TMEM39B: variants seen among roughly 807,000 people sequenced by gnomAD.
TMEM39B encodes the protein transmembrane protein 39B.
A neutral mutation model predicts 52.2 loss-of-function variants in TMEM39B; 23 were observed. The ratio of observed to expected loss-of-function variants is 0.44; its 90% CI spans 0.32 to 0.62. The LOEUF is 0.62. Ranked by LOEUF, TMEM39B falls within the 20% of genes least tolerant of loss-of-function variation. The pLI, the probability that TMEM39B is intolerant of heterozygous loss-of-function variation, is 0.06. For missense variants in TMEM39B, 547 were observed against 642.0 expected (o/e 0.85, Z 1.60); for synonymous variants, 285 against 264.0 (o/e 1.08, Z -0.77).
rs3738003 is a variant in TMEM39B, at chr1:32,075,861, T to C, written c.351+39T>C. The C allele has an allele frequency of 1.3e-3, 1,616 of 1,247,458 alleles. 14 individuals are homozygous for C. The African/African-American group carries it at 0.021, about 16-fold the overall frequency. 77.3% of individuals were successfully genotyped at this position (1,247,458 alleles called of 1,614,324 possible). On this transcript the variant is annotated intron_variant, in intron 3 of 8. Transcript: ENST00000336294. ...AAGGGTGTGTGTGTGTGTGTGTGTG[T>C]GTGCGTGTGTGTGTATGTGTGTGTG...
In TMEM39B at chr1:32,102,755, G is replaced by A. The variant is rs961408040; in HGVS notation, c.*82G>A. ...GGGGCTGTTGGGTAGAAGTGGTGGT[G>A]GGGGGGACAAAAGACAAAAAAATCC... On this transcript the variant is annotated 3_prime_UTR_variant, in exon 9 of 9. Transcript: ENST00000336294. 3 of 1,366,840 alleles carry A rather than the reference G, an allele frequency of 2.2e-6. No individual in the cohort carries two copies. The highest frequency in any genetic ancestry group is 2.9e-6 in the Non-Finnish European group (3 of 1,050,098). 84.7% of individuals were successfully genotyped at this position (1,366,840 alleles called of 1,614,324 possible). A position where few individuals can be genotyped will look rare whatever the true frequency, so the allele number is the denominator to read the frequency against.
intron 5 of TMEM39B, among the ~76,000 whole-genome samples, chr1:32,077,797 A>AGCATGTGTGTGTGCCTGCATAT (rs1435582646): frequency 5.9e-5 from 9 of 152,094 alleles, no homozygotes; most frequent in Non-Finnish European, 1.3e-4. Context: ...CTATGCATGA[A>AGCATGTGTGTGTGCCTGCATAT]GCATGTGTGT....
rs760436781 is a variant in TMEM39B at position 32,102,391 on chromosome 1, G to C, written c.1237-40G>C. 4 of 1,586,388 alleles carry C rather than the reference G, an allele frequency of 2.5e-6. No homozygotes were observed. The African/African-American group carries it at 5.4e-5, about 21-fold the overall frequency. ...ACCCCCATCCAGGAGGAAGATTTCTGGAGCACACCTTTTAGCCATGCCCAC... is the reference window on the plus strand; with the variant it reads ...ACCCCCATCCAGGAGGAAGATTTCTCGAGCACACCTTTTAGCCATGCCCAC... On this transcript the variant is annotated intron_variant, in intron 8 of 8. Transcript: ENST00000336294.
intron 5 of TMEM39B, among the ~76,000 whole-genome samples, chr1:32,079,255 G>A (rs1569867967): frequency 6.6e-6 from 1 of 151,046 alleles, no homozygotes; most frequent in South Asian, 2.1e-4. Context: ...CACAATCTTG[G>A]CTCACTGCAA....
At position 32,094,881 on chromosome 1, in the gene TMEM39B, G is replaced by A. The variant is rs1640755234; in HGVS notation, c.1025G>A (p.Ser342Asn). The A allele has an allele frequency of 2.5e-6, 4 of 1,614,008 alleles. No individual in the cohort carries two copies. The highest frequency in any genetic ancestry group is 3.4e-6 in the Non-Finnish European group (4 of 1,180,054). Residue 342 changes from serine to asparagine, a missense_variant, in exon 7 of 9, where the codon AGC becomes AAC. Coordinates refer to ENST00000336294, the MANE Select transcript of TMEM39B (RefSeq NM_018056.4). ...CTCATGCAGCACCTGCTGCCTGCCA[G>A]CTACTGTGACCTGCTGCACAAGGCC... is the stretch of plus-strand genomic sequence containing the variant. ...VILMQHLLPA[S>N]YCDLLHKAAA...
chr1:32,093,332 C>G (rs1057008487), intron 6 of TMEM39B, among the ~76,000 whole-genome samples: 1 of 150,320 alleles, frequency 6.7e-6, no homozygotes, highest in African/African-American at 2.5e-5. Context: ...CTCCTGACCT[C>G]AGGTGATCCA....
At chr1:32,075,347 C>G (rs1639809059) in intron 2 of TMEM39B, among the ~76,000 whole-genome samples, 1 of 152,212 alleles carries the variant, frequency 6.6e-6, no homozygotes, top group East Asian at 1.9e-4. Flanking sequence ...TGCCTCCCTT[C>G]TCTGGGCCTC....
chr1:32,072,861 C>A, upstream of TMEM39B: 3 of 645,320 alleles, frequency 4.6e-6, no homozygotes, highest in Non-Finnish European at 7.5e-6. Flanking sequence ...TCCGTCCGGG[C>A]GGCCCCTTTA....
In TMEM39B at chr1:32,075,822, G is replaced by C. The variant is rs1639828916; in HGVS notation, c.351G>C (p.Leu117=). The C allele has an allele frequency of 2.7e-6, 4 of 1,473,956 alleles. No individual in the cohort carries two copies. In the East Asian group the frequency reaches 1.0e-4, roughly 38 times the overall value. The allele number at this position is 1,473,956 out of a possible 1,614,324, so 91.3% of individuals were successfully genotyped here. A position where few individuals can be genotyped will look rare whatever the true frequency, so the allele number is the denominator to read the frequency against. ...PPSHPPSHTS[L]NFHLIDFNLL... is the part of the protein sequence containing the mutation. ...CCCACCCACCCTCCCACACCTCCCTGGTAGGTACCCAACAAGGGTGTGTGT... is the reference window on the plus strand; with the variant it reads ...CCCACCCACCCTCCCACACCTCCCTCGTAGGTACCCAACAAGGGTGTGTGT... Residue 117 remains leucine, a splice_region_variant and synonymous_variant, in exon 3 of 9, where the codon CTG becomes CTC. Coordinates refer to ENST00000336294, the MANE Select transcript of TMEM39B (RefSeq NM_018056.4).
intron 2 of TMEM39B, among the ~76,000 whole-genome samples, 169 bp from the exon 3 acceptor site, chr1:32,075,434 G>A (rs1181935725): frequency 6.6e-6 from 1 of 152,176 alleles, no homozygotes; most frequent in Non-Finnish European, 1.5e-5. Flanking sequence ...TAAGATTAGG[G>A]ATAGGAAAAG....
At chr1:32,101,597 A>G (rs1641022368) in intron 8 of TMEM39B, among the ~76,000 whole-genome samples, 1 of 152,122 alleles carries the variant, frequency 6.6e-6, no homozygotes, top group Admixed American at 6.6e-5. Flanking sequence ...ACAGCATGAG[A>G]AATCACTGAC....
intron 3 of TMEM39B, 194 bp downstream of exon 3, chr1:32,076,016 G>C (rs889964399): frequency 2.4e-6 from 1 of 417,822 alleles, no homozygotes; most frequent in South Asian, 5.3e-5. Context: ...GTGTTTAGTA[G>C]CACATTGGGC....
At chr1:32,080,535 A>G (rs1215205348) in intron 5 of TMEM39B, among the ~76,000 whole-genome samples, 1 of 151,744 alleles carries the variant, frequency 6.6e-6, no homozygotes, top group Non-Finnish European at 1.5e-5. Flanking sequence ...GGCATGGTGG[A>G]TGGCACTTGC....
chr1:32,072,668 G>A (rs1488099248), upstream of TMEM39B, among the ~76,000 whole-genome samples: 2 of 152,220 alleles, frequency 1.3e-5, no homozygotes, highest in Non-Finnish European at 2.9e-5. Flanking sequence ...ACCCCTAGGG[G>A]AGCGGAGAGG....
At chr1:32,094,001 G>A (rs186225635) in intron 6 of TMEM39B, among the ~76,000 whole-genome samples, 2 of 145,918 alleles carry the variant, frequency 1.4e-5, no homozygotes, top group East Asian at 2.1e-4. Flanking sequence ...TGTATTTTTA[G>A]TAGAGATGGG....
rs778150489 is a variant in TMEM39B at position 32,076,816 on chromosome 1, C to G, written c.405C>G (p.Gly135=). 2 of 1,613,918 alleles carry G rather than the reference C, an allele frequency of 1.2e-6. No individual in the cohort carries two copies. The highest frequency in any genetic ancestry group is 1.7e-6 in the Non-Finnish European group (2 of 1,180,008). The change falls in exon 4 of 9, where the codon GGC becomes GGG. Residue 135 remains glycine, a synonymous_variant. Transcript: ENST00000336294. ...TGATGGTGACCACCATCGTTCTGGG[C>G]CGCCGCTTCATTGGGTCCATCGTGA... ...NLLMVTTIVL[G]RRFIGSIVKE...
At chr1:32,072,813 GT>G (rs1299347226), upstream of TMEM39B, 4 of 544,588 alleles carry the variant, frequency 7.3e-6, no homozygotes, top group Admixed American at 7.3e-5. Context: ...CAGGAAGGGC[GT>G]GGGGGACCGA....
rs536349435 is a variant in TMEM39B, at chr1:32,091,711, C to G, written c.627C>G (p.Cys209Trp). 4 of 1,611,062 alleles carry G rather than the reference C, an allele frequency of 2.5e-6. No individual in the cohort carries two copies. Among genetic ancestry groups the G allele is most frequent in the South Asian group, 1.1e-5 (1 of 90,818 alleles). ...ACATTCCGTTCCTGCAGCTGAATTG[C>G]GACCTCCGCAAGACAAGCCTCTTCA... ...GMYIPFLQLN[C>W]DLRKTSLFNH... is the part of the protein sequence containing the mutation. Residue 209 changes from cysteine (C) to tryptophan (W), a missense_variant, in exon 6 of 9, where the codon TGC (cysteine) becomes TGG (tryptophan). Cys to Trp is a radical substitution (Grantham distance 215). Coordinates refer to ENST00000336294, the MANE Select transcript of TMEM39B (RefSeq NM_018056.4).
Position 32,094,814 on chromosome 1 carries a change from T to C in TMEM39B, c.958T>C (p.Cys320Arg), listed in dbSNP as rs151062794. 3 of 1,614,122 alleles carry C rather than the reference T, an allele frequency of 1.9e-6. No homozygotes were observed. Among genetic ancestry groups the C allele is most frequent in the Non-Finnish European group, 2.5e-6 (3 of 1,180,048 alleles). The change falls in exon 7 of 9, where the codon TGT (cysteine) becomes CGT (arginine). Residue 320 changes from cysteine to arginine, a missense_variant. Physicochemically the swap from Cys to Arg is radical, Grantham distance 180 (BLOSUM62 -3). Coordinates refer to ENST00000336294, the MANE Select transcript of TMEM39B (RefSeq NM_018056.4). Reference protein sequence around the residue: ...NTHYYDKRWSCELFLLVSIST... With the variant: ...NTHYYDKRWSRELFLLVSIST... The stretch of plus-strand genomic sequence containing the variant: ...ACATTACTATGACAAGCGCTGGTCC[T>C]GTGAACTCTTCCTGCTGGTGTCCAT...
Sources: allele counts gnomAD v4.1 joint callset (sites outside exome capture counted in the v4.1 genomes callset), GRCh38; gene constraint gnomAD v4.1.1; transcripts MANE v1.5; gene names NCBI Gene and HGNC (gene_info 2026-07-23, HGNC 2026-07-21).